The following BCL2L1 variants were observed in gnomAD, a reference collection of about 807,000 sequenced individuals.
The protein encoded by BCL2L1 is BCL2 like 1, also known as bcl-2-like protein 1.
A neutral mutation model predicts 18.7 loss-of-function variants in BCL2L1; 1 was observed. The observed-to-expected ratio is 0.05, with a 90% confidence interval of 0.02 to 0.25. BCL2L1 has a LOEUF of 0.25. Ranked by LOEUF, BCL2L1 falls within the 10% of genes least tolerant of loss-of-function variation. The pLI, the probability that BCL2L1 is intolerant of heterozygous loss-of-function variation, is 1.00. For missense variants in BCL2L1, 207 were observed against 304.9 expected (o/e 0.68, Z 2.39); for synonymous variants, 103 against 122.7 (o/e 0.84, Z 1.06).
chr20:31,668,392 T>G (rs558492630), intron 2 of BCL2L1, among the ~76,000 whole-genome samples: 2 of 151,954 alleles, frequency 1.3e-5, no homozygotes, highest in African/African-American at 4.8e-5. Context: ...CAAACTGGGC[T>G]CACAGCAACC....
chr20:31,685,943 C>CATT (rs2060949137), intron 2 of BCL2L1, among the ~76,000 whole-genome samples: 1 of 152,132 alleles, frequency 6.6e-6, no homozygotes, highest in South Asian at 2.1e-4. Flanking sequence ...AGGCCTTTGG[C>CATT]ATTATTATTA....
chr20:31,714,401 C>T (rs1186247127), intron 2 of BCL2L1, among the ~76,000 whole-genome samples: 1 of 152,162 alleles, frequency 6.6e-6, no homozygotes, highest in African/African-American at 2.4e-5. Flanking sequence ...GCTGCAAGGG[C>T]CTGCTCTGAG....
chr20:31,723,572 TC>T (rs1333377427), upstream of BCL2L1: 2 of 983,454 alleles, frequency 2.0e-6, no homozygotes, highest in East Asian at 2.3e-4. Context: ...GCAACCGCCC[TC>T]CCCCGGGGGC....
intron 2 of BCL2L1, among the ~76,000 whole-genome samples, chr20:31,675,209 G>C (rs918068314): frequency 6.6e-6 from 1 of 152,176 alleles, no homozygotes; most frequent in Admixed American, 6.5e-5. Flanking sequence ...GTTATTTCAG[G>C]AAAGAGGTAG....
chr20:31,666,702 G>A (rs1243591939), intron 2 of BCL2L1, among the ~76,000 whole-genome samples: 1 of 152,060 alleles, frequency 6.6e-6, no homozygotes, highest in Non-Finnish European at 1.5e-5. Flanking sequence ...GCAGGTTGGT[G>A]ACAAGAAGAG....
At chr20:31,707,069 A>C (rs2061378063) in intron 2 of BCL2L1, among the ~76,000 whole-genome samples, 2 of 152,212 alleles carry the variant, frequency 1.3e-5, no homozygotes, top group Non-Finnish European at 2.9e-5. Flanking sequence ...TAACTCATTA[A>C]GTCTTCCACT....
At chr20:31,682,125 GTGACTGAC>G (rs894353368) in intron 2 of BCL2L1, among the ~76,000 whole-genome samples, 2 of 152,246 alleles carry the variant, frequency 1.3e-5, no homozygotes, top group Non-Finnish European at 2.9e-5. Flanking sequence ...AAGGTGCTCA[GTGACTGAC>G]TGACTGACTG....
chr20:31,672,189 G>T (rs1483467210), intron 2 of BCL2L1, among the ~76,000 whole-genome samples: 12 of 151,944 alleles, frequency 7.9e-5, no homozygotes. Flanking sequence ...GGGGAGCCGG[G>T]CACAATGACT....
At chr20:31,672,138 G>T (rs1283734893) in intron 2 of BCL2L1, among the ~76,000 whole-genome samples, 2 of 151,704 alleles carry the variant, frequency 1.3e-5, no homozygotes, top group Non-Finnish European at 2.9e-5. Context: ...TTTTAGAGAT[G>T]ATAGGGTTTT....
At chr20:31,714,642 G>A (rs1039520703) in intron 2 of BCL2L1, among the ~76,000 whole-genome samples, 1 of 152,160 alleles carries the variant, frequency 6.6e-6, no homozygotes, top group African/African-American at 2.4e-5. Context: ...AGCTTGCATA[G>A]GTAGACACGG....
intron 2 of BCL2L1, among the ~76,000 whole-genome samples, chr20:31,705,033 A>G (rs946473391): frequency 1.4e-4 from 22 of 152,336 alleles, no homozygotes; most frequent in East Asian, 1.2e-3. Context: ...GCTGGATACA[A>G]TAGTTATAAC....
At chr20:31,692,139 T>A (rs1272073384) in intron 2 of BCL2L1, among the ~76,000 whole-genome samples, 3 of 152,214 alleles carry the variant, frequency 2.0e-5, no homozygotes, top group Non-Finnish European at 4.4e-5. Flanking sequence ...AATCAAACAC[T>A]TTGGGGGTGG....
intron 2 of BCL2L1, among the ~76,000 whole-genome samples, chr20:31,679,189 T>C (rs1376242104): frequency 6.6e-6 from 1 of 152,184 alleles, no homozygotes; most frequent in Non-Finnish European, 1.5e-5. Flanking sequence ...AGAAGAGGGC[T>C]AGGGTACTTT....
chr20:31,693,913 G>C (rs1333008013), intron 2 of BCL2L1, among the ~76,000 whole-genome samples: 1 of 151,962 alleles, frequency 6.6e-6, no homozygotes, highest in Non-Finnish European at 1.5e-5. Context: ...TTGTACATAT[G>C]CATTAGATAT....
chr20:31,695,502 TG>T (rs1383936629), intron 2 of BCL2L1, among the ~76,000 whole-genome samples: 1 of 152,254 alleles, frequency 6.6e-6, no homozygotes, highest in African/African-American at 2.4e-5. Flanking sequence ...GGTCTTGCTC[TG>T]TCAGCCAGAC....
chr20:31,697,909 A>C (rs541147055), intron 2 of BCL2L1, among the ~76,000 whole-genome samples: 1 of 59,866 alleles, frequency 1.7e-5, no homozygotes, highest in Non-Finnish European at 3.0e-5. Flanking sequence ...TTTTTTTGAG[A>C]CGGAGTCTCG....
chr20:31,698,642 G>A (rs555359248), intron 2 of BCL2L1, among the ~76,000 whole-genome samples: 2 of 152,020 alleles, frequency 1.3e-5, no homozygotes, highest in East Asian at 3.9e-4. Flanking sequence ...GGACTCAAGT[G>A]TTTCTCCCAT....
rs1329633220 is a variant in BCL2L1 at position 31,665,063 on chromosome 20, G to C, written c.*886C>G. On this transcript the variant is annotated 3_prime_UTR_variant, in exon 3 of 3. Transcript: ENST00000307677. Reference sequence around the variant, plus strand: ...TAGCTCCCTTTCACCTCAGGGCTGAGTCCCCTGAACCCACCATGAGGAGCA... The same window carrying C: ...TAGCTCCCTTTCACCTCAGGGCTGACTCCCCTGAACCCACCATGAGGAGCA... The C allele has an allele frequency of 1.6e-5, 3 of 185,760 alleles. No homozygotes were observed. The highest frequency in any genetic ancestry group is 3.4e-5 in the Non-Finnish European group (3 of 87,444). The allele number at this position is 185,760 out of a possible 1,614,324, so 11.5% of individuals were successfully genotyped here. A position where few individuals can be genotyped will look rare whatever the true frequency, so the allele number is the denominator to read the frequency against.
At chr20:31,669,196 T>C (rs574313681) in intron 2 of BCL2L1, among the ~76,000 whole-genome samples, 28 of 151,856 alleles carry the variant, frequency 1.8e-4, no homozygotes, top group Non-Finnish European at 1.0e-4. Flanking sequence ...GCTGCCACAC[T>C]ACAGGCACAC....
Sources: gnomAD v4.1 joint callset for allele counts (sites outside exome capture counted in the v4.1 genomes callset) on GRCh38, gnomAD v4.1.1 for gene constraint, MANE v1.5 for transcripts, NCBI Gene and HGNC (gene_info 2026-07-23, HGNC 2026-07-21) for gene names.